The following FHIT variants were observed in gnomAD, a reference collection of about 807,000 sequenced individuals.
FHIT encodes the protein fragile histidine triad diadenosine triphosphatase.
A neutral mutation model predicts 17.9 loss-of-function variants in FHIT; 19 were observed. The ratio of observed to expected loss-of-function variants is 1.06; its 90% CI spans 0.74 to 1.56. The LOEUF is 1.56. Among genes scored for constraint, FHIT ranks in the 40% most tolerant of loss-of-function variants. The pLI, the probability that FHIT is intolerant of heterozygous loss-of-function variation, is 0.00. For missense variants in FHIT, 248 were observed against 189.2 expected (o/e 1.31, Z -1.82); for synonymous variants, 81 against 69.7 (o/e 1.16, Z -0.81).
Position 59,940,806 on chromosome 3 carries a change from G to A in FHIT, c.280-18392C>T, listed in dbSNP as rs375977320. Among the ~76,000 whole-genome samples the A allele has an allele frequency of 3.6e-4, 55 of 152,102 alleles. 1 individual carries two copies. The highest frequency in any genetic ancestry group is 3.2e-3 in the Middle Eastern group (1 of 316). On this transcript the variant is annotated intron_variant, in intron 7 of 9. Transcript: ENST00000492590. ...TAATACATGAAAACCTCTTAGCACCGCCCCTGGCACCATTAGAAAATGCCT... is the reference window on the plus strand; with the variant it reads ...TAATACATGAAAACCTCTTAGCACCACCCCTGGCACCATTAGAAAATGCCT...
chr3:61,248,113 G>C (rs2040529438), intron 1 of FHIT, among the ~76,000 whole-genome samples: 1 of 152,242 alleles, frequency 6.6e-6, no homozygotes, highest in Non-Finnish European at 1.5e-5. Flanking sequence ...CAATGTACAT[G>C]TTGAAAGCAA....
At chr3:60,734,131 C>A (rs1015487566) in intron 4 of FHIT, among the ~76,000 whole-genome samples, 6 of 151,906 alleles carry the variant, frequency 3.9e-5, no homozygotes, top group Admixed American at 6.6e-5. Context: ...ATATACAATG[C>A]AAGCGCCATT....
At chr3:61,016,885 T>C (rs571685001) in intron 3 of FHIT, among the ~76,000 whole-genome samples, 1 of 152,314 alleles carries the variant, frequency 6.6e-6, no homozygotes, top group South Asian at 2.1e-4. Flanking sequence ...AATAACAAAA[T>C]GGGTGTATAT....
intron 5 of FHIT, among the ~76,000 whole-genome samples, chr3:60,097,781 G>A (rs1412162592): frequency 6.7e-6 from 1 of 150,142 alleles, no homozygotes; most frequent in Non-Finnish European, 1.5e-5. Flanking sequence ...TGTTACATAT[G>A]TATACATGTG....
At chr3:60,933,086 T>C (rs1420622734) in intron 3 of FHIT, among the ~76,000 whole-genome samples, 3 of 152,172 alleles carry the variant, frequency 2.0e-5, no homozygotes, top group Non-Finnish European at 4.4e-5. Context: ...AAATGAAAAA[T>C]TATAAATGAT....
intron 3 of FHIT, among the ~76,000 whole-genome samples, chr3:61,039,637 A>T (rs1266192969): frequency 1.3e-5 from 2 of 152,122 alleles, no homozygotes; most frequent in Non-Finnish European, 2.9e-5. Context: ...CTCTCTCATA[A>T]GTGGGAGTTG....
At chr3:60,914,712 G>T (rs968299230) in intron 3 of FHIT, among the ~76,000 whole-genome samples, 4 of 152,126 alleles carry the variant, frequency 2.6e-5, no homozygotes, top group African/African-American at 9.7e-5. Flanking sequence ...ATGTTCATAA[G>T]CTATTTGTGG....
chr3:59,917,074 A>G, intron 8 of FHIT, among the ~76,000 whole-genome samples: 1 of 152,240 alleles, frequency 6.6e-6, no homozygotes, highest in South Asian at 2.1e-4. Flanking sequence ...AAGTTCAACA[A>G]CAAATATCAT....
chr3:60,836,697 G>A (rs1482879920), intron 3 of FHIT, among the ~76,000 whole-genome samples: 2 of 152,152 alleles, frequency 1.3e-5, no homozygotes, highest in Non-Finnish European at 2.9e-5. Context: ...CAAGAGTGAG[G>A]TCTAGTAGAA....
intron 4 of FHIT, among the ~76,000 whole-genome samples, chr3:60,586,484 T>A (rs1174509301): frequency 6.6e-6 from 1 of 152,070 alleles, no homozygotes; most frequent in Non-Finnish European, 1.5e-5. Flanking sequence ...AGAAATCCCC[T>A]TACTGGATAT....
intron 5 of FHIT, among the ~76,000 whole-genome samples, chr3:60,229,343 G>T (rs1015962544): frequency 6.6e-6 from 1 of 151,812 alleles, no homozygotes; most frequent in East Asian, 1.9e-4. Flanking sequence ...CTTGAACCAG[G>T]GAGGCGGAGG....
intron 3 of FHIT, among the ~76,000 whole-genome samples, chr3:60,995,667 G>A (rs939368194): frequency 2.0e-5 from 3 of 152,124 alleles, no homozygotes; most frequent in Admixed American, 1.3e-4. Flanking sequence ...GTGCTACTCC[G>A]GCTATTATCC....
intron 2 of FHIT, among the ~76,000 whole-genome samples, chr3:61,160,755 G>T (rs992057960): frequency 6.6e-6 from 1 of 152,062 alleles, no homozygotes; most frequent in Non-Finnish European, 1.5e-5. Flanking sequence ...GTAAAGAATG[G>T]GCTATTTCTC....
At chr3:60,035,945 AT>A (rs1701199235) in intron 5 of FHIT, among the ~76,000 whole-genome samples, 1 of 152,206 alleles carries the variant, frequency 6.6e-6, no homozygotes, top group Non-Finnish European at 1.5e-5. Context: ...CTATTTGTCC[AT>A]GGTGGGCCAG....
intron 3 of FHIT, among the ~76,000 whole-genome samples, chr3:60,860,471 T>C (rs1163095800): frequency 2.1e-5 from 2 of 95,312 alleles, no homozygotes; most frequent in Admixed American, 2.1e-4. Flanking sequence ...CATATATATG[T>C]ATATATGATA....
At chr3:60,841,886 C>CATACATGAA (rs1231430426) in intron 3 of FHIT, among the ~76,000 whole-genome samples, 1 of 152,128 alleles carries the variant, frequency 6.6e-6, no homozygotes, top group Non-Finnish European at 1.5e-5. Flanking sequence ...CTGATATTTC[C>CATACATGAA]ATACATGAAG....
chr3:60,599,492 A>G (rs376541188), intron 4 of FHIT, among the ~76,000 whole-genome samples: 4 of 152,134 alleles, frequency 2.6e-5, no homozygotes, highest in Admixed American at 1.3e-4. Flanking sequence ...AATGTTTTCT[A>G]TATTTCCTAA....
intron 2 of FHIT, among the ~76,000 whole-genome samples, chr3:61,078,468 G>T (rs529214076): frequency 1.3e-5 from 2 of 152,036 alleles, no homozygotes; most frequent in African/African-American, 4.8e-5. Flanking sequence ...TAGGAAGAAC[G>T]AGTGGAAAAC....
intron 2 of FHIT, among the ~76,000 whole-genome samples, chr3:61,108,620 G>C (rs761657900): frequency 6.6e-6 from 1 of 152,138 alleles, no homozygotes; most frequent in Non-Finnish European, 1.5e-5. Context: ...AATTCATCAA[G>C]GCCTTTAGAT....
Sources: gnomAD v4.1 joint callset for allele counts (sites outside exome capture counted in the v4.1 genomes callset) on GRCh38, gnomAD v4.1.1 for gene constraint, MANE v1.5 for transcripts, NCBI Gene and HGNC (gene_info 2026-07-23, HGNC 2026-07-21) for gene names.